HIKESHI: variants seen among roughly 807,000 people sequenced by gnomAD.
The protein encoded by HIKESHI is protein Hikeshi.
A neutral mutation model predicts 25.7 loss-of-function variants in HIKESHI; 13 were observed. The observed-to-expected ratio is 0.51, with a 90% CI of 0.33 to 0.80. The LOEUF (loss-of-function observed/expected upper bound fraction) is 0.80, where lower values mean the gene tolerates loss of function less well. Ranked by LOEUF, HIKESHI falls within the 30% of genes least tolerant of loss-of-function variation. The probability of loss-of-function intolerance (pLI) is 0.02; values close to 1 mark genes in which losing one functional copy is unlikely to be tolerated. For synonymous variants in HIKESHI, 76 were observed against 78.7 expected, an observed-to-expected ratio of 0.97 and a Z score of 0.18; for missense variants, 174 against 229.5, an observed-to-expected ratio of 0.76 and a Z score of 1.56.
chr11:86,329,134 G>A (rs991627310), intron 2 of HIKESHI, among the ~76,000 whole-genome samples: 1 of 151,292 alleles, frequency 6.6e-6, no homozygotes, highest in Non-Finnish European at 1.5e-5. Context: ...GGTGAGTTAA[G>A]ATGGGAAAAG....
At chr11:86,343,286 C>G (rs1212878863) in intron 3 of HIKESHI, among the ~76,000 whole-genome samples, 1 of 148,362 alleles carries the variant, frequency 6.7e-6, no homozygotes, top group Non-Finnish European at 1.5e-5. Flanking sequence ...ATTATTGTCA[C>G]TGGTGTGGAG....
chr11:86,309,745 G>A (rs186036959), intron 2 of HIKESHI, among the ~76,000 whole-genome samples: 2 of 152,086 alleles, frequency 1.3e-5, no homozygotes, highest in African/African-American at 2.4e-5. Context: ...ATTAATTTTT[G>A]TATAAGGTAT....
intron 2 of HIKESHI, among the ~76,000 whole-genome samples, chr11:86,306,930 G>A (rs1284654893): frequency 6.6e-6 from 1 of 150,648 alleles, no homozygotes; most frequent in Non-Finnish European, 1.5e-5. Context: ...AACCTGTGAG[G>A]TGGAGCTTGC....
At chr11:86,329,834 A>G (rs549983742) in intron 2 of HIKESHI, among the ~76,000 whole-genome samples, 1 of 152,194 alleles carries the variant, frequency 6.6e-6, no homozygotes, top group South Asian at 2.1e-4. Flanking sequence ...TAGTGTTTAC[A>G]TGCTATATTT....
chr11:86,304,756 T>A (rs1946577222), intron 1 of HIKESHI, among the ~76,000 whole-genome samples: 1 of 152,180 alleles, frequency 6.6e-6, no homozygotes, highest in Non-Finnish European at 1.5e-5. Flanking sequence ...CCTCAGGTGA[T>A]CAACCCGCCT....
chr11:86,330,695 T>C (rs1160077695), intron 2 of HIKESHI, among the ~76,000 whole-genome samples: 1 of 152,226 alleles, frequency 6.6e-6, no homozygotes, highest in Non-Finnish European at 1.5e-5. Context: ...TTCTGATGAA[T>C]TAGAAATCAC....
chr11:86,317,135 G>C (rs929670826), intron 2 of HIKESHI, among the ~76,000 whole-genome samples: 1 of 151,996 alleles, frequency 6.6e-6, no homozygotes, highest in African/African-American at 2.4e-5. Flanking sequence ...AAGAAAGCTT[G>C]CATAAGTATA....
intron 3 of HIKESHI, among the ~76,000 whole-genome samples, chr11:86,338,635 A>G (rs1947635401): frequency 6.6e-6 from 1 of 152,228 alleles, no homozygotes. Context: ...GCCTGGCAGT[A>G]CCAGAGGCGC....
chr11:86,302,799 T>A (rs1946530435), intron 1 of HIKESHI, among the ~76,000 whole-genome samples: 1 of 152,236 alleles, frequency 6.6e-6, no homozygotes, highest in Admixed American at 6.5e-5. Flanking sequence ...TTAATCCTCA[T>A]AACTCGTGAG....
At chr11:86,323,855 A>T (rs1338874263) in intron 2 of HIKESHI, among the ~76,000 whole-genome samples, 1 of 152,226 alleles carries the variant, frequency 6.6e-6, no homozygotes, top group African/African-American at 2.4e-5. Context: ...TCAGTGACAT[A>T]TGTTTTCTCT....
chr11:86,328,927 TGC>T (rs780428379), intron 2 of HIKESHI, among the ~76,000 whole-genome samples: 22,077 of 133,594 alleles, frequency 0.17, 1,776 homozygotes, highest in East Asian at 0.26. Flanking sequence ...TGTGTGTGTG[TGC>T]GCGCACACAC....
chr11:86,323,501 G>T (rs2138358472), intron 2 of HIKESHI, among the ~76,000 whole-genome samples: 1 of 152,252 alleles, frequency 6.6e-6, no homozygotes, highest in Non-Finnish European at 1.5e-5. Flanking sequence ...ACTAGACCAG[G>T]ACACATTGGT....
intron 2 of HIKESHI, chr11:86,326,579 C>T: frequency 2.2e-6 from 1 of 455,958 alleles, no homozygotes; most frequent in South Asian, 1.5e-5. Flanking sequence ...TATTAAATAT[C>T]ACACCAAGAC....
At chr11:86,339,335 A>G (rs1593872535) in intron 3 of HIKESHI, among the ~76,000 whole-genome samples, 1 of 152,206 alleles carries the variant, frequency 6.6e-6, no homozygotes, top group Admixed American at 6.5e-5. Context: ...GGCGTGAGCC[A>G]CCGCGCCCAG....
At chr11:86,302,522 G>A in intron 1 of HIKESHI, 44 bp downstream of exon 1, 3 of 1,546,088 alleles carry the variant, frequency 1.9e-6, no homozygotes, top group African/African-American at 1.4e-5. Flanking sequence ...TCAGGATACC[G>A]AGGGCGAAGC....
At chr11:86,332,275 T>C (rs928172332) in intron 2 of HIKESHI, among the ~76,000 whole-genome samples, 1 of 152,098 alleles carries the variant, frequency 6.6e-6, no homozygotes, top group African/African-American at 2.4e-5. Flanking sequence ...GTAACTGTTT[T>C]CTTTAGTCCT....
Position 86,342,478 on chromosome 11 carries a change from C to CGTGTGT in HIKESHI, c.421-2086_421-2081dup, listed in dbSNP as rs34980731. 4.3e-3 allele frequency among the ~76,000 whole-genome samples: 641 copies of CGTGTGT among 147,452 alleles called. 1 individual carries two copies. The highest frequency in any genetic ancestry group is 6.0e-3 in the East Asian group (30 of 4,992). ...TGATATGTAAAGATATAAAGATGTT[C>CGTGTGT]GTGTGTGTGTGTGTGTGTGTGTGTG... On this transcript the variant is annotated intron_variant, in intron 3 of 4. Transcript: ENST00000278483.
intron 2 of HIKESHI, among the ~76,000 whole-genome samples, chr11:86,325,307 T>C (rs971353470): frequency 3.9e-5 from 6 of 152,114 alleles, no homozygotes; most frequent in Non-Finnish European, 7.4e-5. Context: ...GAGAGCTCTG[T>C]TGGGAGAACT....
rs943283934 is a variant in HIKESHI at position 86,312,425 on chromosome 11, C to T, written c.268+5943C>T. 5.3e-5 allele frequency among the ~76,000 whole-genome samples: 8 copies of T among 152,290 alleles called. No homozygotes were observed. In the South Asian group the frequency reaches 1.0e-3, roughly 20 times the overall value. Reference sequence around the variant, plus strand: ...TTCCATTTGCTTGGTAGATCTTCCTCCATCCCTTTATTTTGAGCCTATGTG... The same window carrying T: ...TTCCATTTGCTTGGTAGATCTTCCTTCATCCCTTTATTTTGAGCCTATGTG... On this transcript the variant is annotated intron_variant, in intron 2 of 4. Transcript: ENST00000278483.
Sources: gnomAD v4.1 joint callset for allele counts (sites outside exome capture counted in the v4.1 genomes callset) on GRCh38, gnomAD v4.1.1 for gene constraint, MANE v1.5 for transcripts, NCBI Gene and HGNC (gene_info 2026-07-23, HGNC 2026-07-21) for gene names.